Variants in MADD observed in about 807,000 individuals in gnomAD.
The protein encoded by MADD is MAP kinase-activating death domain protein.
MADD carries 109 observed loss-of-function variants against 176.7 expected under a neutral mutation model. The observed-to-expected ratio is 0.62, with a 90% confidence interval of 0.53 to 0.72. The LOEUF (loss-of-function observed/expected upper bound fraction) is 0.72, where lower values mean the gene tolerates loss of function less well. Among genes scored for constraint, MADD ranks in the 30% least tolerant of loss-of-function variants. The pLI, the probability that MADD is intolerant of heterozygous loss-of-function variation, is 0.00. For missense variants in MADD, 1,914 were observed against 2,045.5 expected, an observed-to-expected ratio of 0.94 and a Z score of 1.24; for synonymous variants, 771 against 771.3, an observed-to-expected ratio of 1.00 and a Z score of 0.01.
Position 47,275,172 on chromosome 11 carries a change from G to A in MADD, c.659+13G>A. ...GAGGCGTACAAAGGTACAGTTTGCT[G>A]CTGATGCCTAATGGGGGAAGCATTT... is the stretch of plus-strand genomic sequence containing the variant. On this transcript the variant is annotated intron_variant, in intron 3 of 32. Coordinates refer to ENST00000402192, the Ensembl canonical transcript of MADD. The A allele has an allele frequency of 1.9e-6, 3 of 1,599,518 alleles. No homozygotes were observed. The highest frequency in any genetic ancestry group is 2.6e-6 in the Non-Finnish European group (3 of 1,172,360).
exon 33 of MADD, chr11:47,329,055 A>G: frequency 6.2e-7 from 1 of 1,613,976 alleles, no homozygotes; most frequent in Non-Finnish European, 8.5e-7. Flanking sequence ...GGCCCACGAA[A>G]TCTGCTACTC....
At chr11:47,290,460 A>T in intron 18 of MADD, 150 bp from the exon 20 acceptor site, 1 of 1,233,370 alleles carries the variant, frequency 8.1e-7, no homozygotes, top group South Asian at 1.5e-5. Context: ...CGCAGTGGGT[A>T]TTCTTTGTTA....
chr11:47,286,149 A>G (rs907871190), intron 14 of MADD, among the ~76,000 whole-genome samples: 3 of 152,190 alleles, frequency 2.0e-5, no homozygotes, highest in African/African-American at 4.8e-5. Context: ...GAAGCCTGTT[A>G]ACTGCCAGCT....
intron 19 of MADD, among the ~76,000 whole-genome samples, 173 bp from the exon 21 acceptor site, chr11:47,292,370 G>A (rs1470732925): frequency 6.6e-6 from 1 of 152,110 alleles, no homozygotes; most frequent in African/African-American, 2.4e-5. Flanking sequence ...GGGTGGAGGG[G>A]TTAGATCTCT....
At chr11:47,327,783 C>T (rs2095617386) in intron 31 of MADD, 1 of 985,434 alleles carries the variant, frequency 1.0e-6, no homozygotes, top group Non-Finnish European at 1.2e-6. Context: ...AAGGTACGGC[C>T]AATTCTCCTC....
rs745946909 is a variant in MADD, at chr11:47,276,712, T to C, written c.964-20T>C. The stretch of plus-strand genomic sequence containing the variant: ...ATATTTTATGTTTTGGAGTGATTCT[T>C]ACTGGATGGCTCATGACAGGTGGTG... On this transcript the variant is annotated intron_variant, in intron 4 of 32. Coordinates refer to ENST00000402192, the Ensembl canonical transcript of MADD. 2.0e-5 allele frequency: 32 copies of C among 1,613,068 alleles called. No individual in the cohort carries two copies. Among genetic ancestry groups the C allele is most frequent in the Non-Finnish European group, 8.5e-7 (1 of 1,179,452 alleles).
chr11:47,315,372 C>A, intron 27 of MADD, 45 bp downstream of exon 30: 3 of 1,140,612 alleles, frequency 2.6e-6, no homozygotes, highest in South Asian at 1.2e-5. Context: ...TATTGAGAGT[C>A]ACAGGGAACT....
chr11:47,299,585 CTTTTTTTTTTTTTTTTTT>C (rs1185948034), intron 22 of MADD, among the ~76,000 whole-genome samples: 1 of 41,518 alleles, frequency 2.4e-5, no homozygotes, highest in Non-Finnish European at 4.3e-5. Flanking sequence ...GATTTTAGGG[CTTTTTTTTTTTTTTTTTT>C]TTTTTTTTTA....
At chr11:47,303,689 T>A (rs1452750681) in intron 22 of MADD, among the ~76,000 whole-genome samples, 7 of 149,438 alleles carry the variant, frequency 4.7e-5, no homozygotes, top group Admixed American at 2.7e-4. Context: ...CACTGCAACC[T>A]GCGCCGCTTG....
chr11:47,269,964 C>T (rs1162699825), upstream of MADD: 2 of 152,270 alleles, frequency 1.3e-5, no homozygotes, highest in African/African-American at 2.4e-5. Context: ...CTGGCGCGCC[C>T]TCCCGCGCCC....
At chr11:47,294,218 G>A (rs971273233) in intron 20 of MADD, among the ~76,000 whole-genome samples, 13 of 151,554 alleles carry the variant, frequency 8.6e-5, no homozygotes, top group African/African-American at 2.9e-4. Flanking sequence ...GCATGGTGGC[G>A]CATGCCTGTA....
At chr11:47,327,680 G>A (rs2095606549) in intron 31 of MADD, 1 of 985,256 alleles carries the variant, frequency 1.0e-6, no homozygotes, top group Non-Finnish European at 1.2e-6. Context: ...TTCCAACTCG[G>A]GAGAATGGCC....
intron 3 of MADD, among the ~76,000 whole-genome samples, 184 bp downstream of exon 3, chr11:47,275,343 G>GTA (rs1261624805): frequency 6.6e-6 from 1 of 152,226 alleles, no homozygotes; most frequent in Admixed American, 6.5e-5. Flanking sequence ...CCAGGCTGGA[G>GTA]TACAGTGGTG....
chr11:47,324,786 C>A (rs1162553098), intron 30 of MADD: 1 of 692,014 alleles, frequency 1.4e-6, no homozygotes. Context: ...CACCAGGGAG[C>A]CCGTGGGGGA....
chr11:47,295,404 G>T, intron 20 of MADD, 92 bp from the exon 23 acceptor site: 1 of 982,992 alleles, frequency 1.0e-6, no homozygotes, highest in Non-Finnish European at 1.6e-6. Flanking sequence ...ACAGAAGGGT[G>T]GGGATGAGGA....
At chr11:47,311,408 T>C (rs950053960) in intron 25 of MADD, among the ~76,000 whole-genome samples, 11 of 152,222 alleles carry the variant, frequency 7.2e-5, no homozygotes, top group Admixed American at 2.6e-4. Flanking sequence ...AATTACACTA[T>C]GAAGAGCCTT....
At chr11:47,315,880 G>A (rs1353308832) in intron 27 of MADD, among the ~76,000 whole-genome samples, 1 of 147,138 alleles carries the variant, frequency 6.8e-6, no homozygotes, top group Admixed American at 6.9e-5. Context: ...CACCCAGGCT[G>A]GAGTGCAGTG....
Position 47,323,690 on chromosome 11 carries a change from TG to T in MADD, c.4218del (p.Leu1407CysfsTer20), listed in dbSNP as rs1474607805. 3 of 1,613,516 alleles carry T rather than the reference TG, an allele frequency of 1.9e-6. No individual in the cohort carries two copies. Among genetic ancestry groups the T allele is most frequent in the Non-Finnish European group, 2.5e-6 (3 of 1,179,920 alleles). ...CTCCAGGTGTGCGATGACTGTGTGG[TG>T]TTGCGTAGTAACATCGGAACAGTGT... is the stretch of plus-strand genomic sequence containing the variant. On this transcript the variant is annotated frameshift_variant, in exon 28 of 33. Coordinates refer to ENST00000402192, the Ensembl canonical transcript of MADD. LOFTEE classifies it high-confidence loss of function.
At chr11:47,288,870 T>G in intron 15 of MADD, 98 bp from the exon 16 acceptor site, 2 of 911,442 alleles carry the variant, frequency 2.2e-6, no homozygotes, top group Non-Finnish European at 3.4e-6. Context: ...CCTCAAGCTT[T>G]GGGAGAATGC....
Sources: allele counts gnomAD v4.1 joint callset (sites outside exome capture counted in the v4.1 genomes callset), GRCh38; gene constraint gnomAD v4.1.1; transcripts MANE v1.5; gene names NCBI Gene and HGNC (gene_info 2026-07-23, HGNC 2026-07-21).